EPHB1: variants seen among roughly 807,000 people sequenced by gnomAD.
The protein encoded by EPHB1 is EPH receptor B1, also known as ephrin type-B receptor 1.
In EPHB1, 30 loss-of-function variants were observed where a neutral mutation model predicts 94.4. That is an observed-to-expected ratio of 0.32 (90% CI 0.24 to 0.43). The LOEUF (loss-of-function observed/expected upper bound fraction) is 0.43. Among genes scored for constraint, EPHB1 ranks in the 20% least tolerant of loss-of-function variants. The pLI is 1.00. For synonymous variants in EPHB1, 522 were observed against 489.1 expected (o/e 1.07, Z -0.89); for missense variants, 1,055 against 1,308.3 (o/e 0.81, Z 2.99).
At chr3:134,803,900 G>A (rs1411938290) in intron 1 of EPHB1, among the ~76,000 whole-genome samples, 2 of 152,078 alleles carry the variant, frequency 1.3e-5, no homozygotes, top group Non-Finnish European at 2.9e-5. Context: ...TCCTGCTCTG[G>A]TGTCAATGCT....
chr3:135,215,399 G>A (rs1440973422), intron 12 of EPHB1, among the ~76,000 whole-genome samples: 1 of 152,132 alleles, frequency 6.6e-6, no homozygotes, highest in Non-Finnish European at 1.5e-5. Flanking sequence ...CCGACCTCAG[G>A]TAATCCGCCT....
chr3:134,999,756 C>T (rs1265418276), intron 3 of EPHB1, among the ~76,000 whole-genome samples: 3 of 152,190 alleles, frequency 2.0e-5, no homozygotes, highest in Non-Finnish European at 4.4e-5. Flanking sequence ...TGGGGCAGTA[C>T]TACCAGAGAG....
At chr3:135,253,341 T>A (rs1164605059) in intron 15 of EPHB1, among the ~76,000 whole-genome samples, 2 of 150,364 alleles carry the variant, frequency 1.3e-5, no homozygotes, top group African/African-American at 4.9e-5. Flanking sequence ...TTTTTATGGT[T>A]TTAGGTCTAA....
At chr3:134,881,328 C>T (rs1412058353) in intron 1 of EPHB1, among the ~76,000 whole-genome samples, 3 of 152,100 alleles carry the variant, frequency 2.0e-5, no homozygotes, top group Non-Finnish European at 2.9e-5. Context: ...TAGATGTGTG[C>T]TTGGCAGGAC....
intron 1 of EPHB1, among the ~76,000 whole-genome samples, chr3:134,828,341 T>C (rs7611084): frequency 1 from 152,315 of 152,352 alleles, 76,141 homozygotes; most frequent in Non-Finnish European, 1. Context: ...AGAAGTTTGG[T>C]GTGGTTCTCA....
At chr3:134,999,752 A>G (rs1006515276) in intron 3 of EPHB1, among the ~76,000 whole-genome samples, 1 of 152,206 alleles carries the variant, frequency 6.6e-6, no homozygotes, top group African/African-American at 2.4e-5. Flanking sequence ...GTTATGGGGC[A>G]GTACTACCAG....
At chr3:135,024,893 C>A (rs951207192) in intron 3 of EPHB1, among the ~76,000 whole-genome samples, 5 of 151,224 alleles carry the variant, frequency 3.3e-5, no homozygotes, top group African/African-American at 1.2e-4. Flanking sequence ...GATCTCTTGC[C>A]CCTTTCTATA....
intron 2 of EPHB1, among the ~76,000 whole-genome samples, chr3:134,929,872 G>A (rs1181358464): frequency 6.6e-6 from 1 of 152,206 alleles, no homozygotes; most frequent in African/African-American, 2.4e-5. Context: ...GAGAGCAGGG[G>A]TCCTCCTTTT....
chr3:134,928,897 G>A (rs771656550), intron 2 of EPHB1, among the ~76,000 whole-genome samples: 1 of 152,216 alleles, frequency 6.6e-6, no homozygotes, highest in Non-Finnish European at 1.5e-5. Flanking sequence ...GGGGAAGAGT[G>A]TGTCAGGGAG....
chr3:135,172,268 A>G (rs1941825768), intron 9 of EPHB1, among the ~76,000 whole-genome samples: 1 of 152,230 alleles, frequency 6.6e-6, no homozygotes, highest in Admixed American at 6.5e-5. Context: ...CCATTATGGC[A>G]AAAGAAAGAT....
chr3:135,189,059 T>C (rs1942398272), intron 10 of EPHB1, among the ~76,000 whole-genome samples: 2 of 152,272 alleles, frequency 1.3e-5, no homozygotes, highest in Non-Finnish European at 2.9e-5. Context: ...GATGAGTTTT[T>C]AGACTTGAAG....
intron 1 of EPHB1, among the ~76,000 whole-genome samples, chr3:134,923,681 C>T (rs2038733899): frequency 6.6e-6 from 1 of 152,194 alleles, no homozygotes; most frequent in Admixed American, 6.5e-5. Flanking sequence ...CCACATAGCT[C>T]CCCATTTATC....
intron 2 of EPHB1, among the ~76,000 whole-genome samples, chr3:134,936,226 C>T (rs767929551): frequency 2.0e-5 from 3 of 152,004 alleles, no homozygotes; most frequent in Non-Finnish European, 4.4e-5. Context: ...GAGTTGTGCA[C>T]GTGATAAGCA....
In EPHB1 at chr3:135,239,309, G is replaced by C. The variant is rs1418199357; in HGVS notation, c.2347-1839G>C. Among the ~76,000 whole-genome samples the C allele has an allele frequency of 3.3e-5, 5 of 152,124 alleles. No homozygotes were observed. In the East Asian group the frequency reaches 9.7e-4, roughly 29 times the overall value. On this transcript the variant is annotated intron_variant, in intron 12 of 15. Transcript: ENST00000398015. ...TCCTTTTTTTTTTCTGCCTAGCTCGGGTTAACCATTTTTACATTTTTACAG... is the reference window on the plus strand; with the variant it reads ...TCCTTTTTTTTTTCTGCCTAGCTCGCGTTAACCATTTTTACATTTTTACAG...
At chr3:134,811,746 C>A (rs2036184502) in intron 1 of EPHB1, among the ~76,000 whole-genome samples, 1 of 152,190 alleles carries the variant, frequency 6.6e-6, no homozygotes, top group African/African-American at 2.4e-5. Context: ...ACACAATAAA[C>A]CTGGCAGCGA....
Position 135,198,126 on chromosome 3 carries a change from A to G in EPHB1, c.2131-3348A>G, listed in dbSNP as rs558712336. ...CAGATAAGAGTAGCATCACTAATCC[A>G]TCATGGTTCTTCTCCCTGCAAAGCT... On this transcript the variant is annotated intron_variant, in intron 11 of 15. Transcript: ENST00000398015. 1.6e-4 allele frequency among the ~76,000 whole-genome samples: 24 copies of G among 152,314 alleles called. 1 individual carries two copies. The highest frequency in any genetic ancestry group is 3.2e-4 in the Non-Finnish European group (22 of 68,036).
In EPHB1 at chr3:134,972,523, T is replaced by C. The variant is rs993169705; in HGVS notation, c.805+20471T>C. On this transcript the variant is annotated intron_variant, in intron 3 of 15. Transcript: ENST00000398015. ...TATTATAAATATATATTATTATATA[T>C]TTATTATAAATATATATTATTATAT... is the stretch of plus-strand genomic sequence containing the variant. 1.5e-3 allele frequency among the ~76,000 whole-genome samples: 159 copies of C among 104,224 alleles called. 1 individual carries two copies. Among genetic ancestry groups the C allele is most frequent in the Non-Finnish European group, 2.4e-3 (123 of 52,046 alleles). 68.4% of individuals were successfully genotyped at this position (104,224 alleles called of 152,430 possible). A position where few individuals can be genotyped will look rare whatever the true frequency, so the allele number is the denominator to read the frequency against.
In EPHB1 at chr3:135,214,712, A is replaced by G. The variant is rs189595421; in HGVS notation, c.2346+13023A>G. Among the ~76,000 whole-genome samples the G allele has an allele frequency of 2.3e-3, 346 of 152,310 alleles. 2 individuals carry two copies. Among genetic ancestry groups the G allele is most frequent in the Non-Finnish European group, 4.1e-3 (277 of 68,022 alleles). On this transcript the variant is annotated intron_variant, in intron 12 of 15. Coordinates refer to ENST00000398015, the MANE Select transcript of EPHB1 (RefSeq NM_004441.5). ...CCTCGCTGTGCTTCCAGGAGAGAGC[A>G]TGCATTTCAGCCACAATCGCTTCCA...
In EPHB1 at chr3:135,259,970, G is replaced by A. The variant is rs182528180; in HGVS notation, c.*850G>A. On this transcript the variant is annotated 3_prime_UTR_variant, in exon 16 of 16. Coordinates refer to ENST00000398015, the MANE Select transcript of EPHB1 (RefSeq NM_004441.5). ...TCCAAAGGGGCTGGAATATGGTGTTGGTTTGGCTTTCTGGTTGGCCCAATC... is the reference window on the plus strand; with the variant it reads ...TCCAAAGGGGCTGGAATATGGTGTTAGTTTGGCTTTCTGGTTGGCCCAATC... 4.3e-6 allele frequency: 1 copy of A among 232,044 alleles called. No individual in the cohort carries two copies. The highest frequency in any genetic ancestry group is 5.6e-5 in the Admixed American group (1 of 17,728). The allele number at this position is 232,044 out of a possible 1,614,324, so 14.4% of individuals were successfully genotyped here.
Sources: gnomAD v4.1 joint callset for allele counts (sites outside exome capture counted in the v4.1 genomes callset) on GRCh38, gnomAD v4.1.1 for gene constraint, MANE v1.5 for transcripts, NCBI Gene and HGNC (gene_info 2026-07-23, HGNC 2026-07-21) for gene names.